SUFU: variants seen among roughly 807,000 people sequenced by gnomAD.
SUFU encodes SUFU negative regulator of hedgehog signaling, also known as suppressor of fused homolog.
In SUFU, 7 loss-of-function variants were observed where a neutral mutation model predicts 58.9. The ratio of observed to expected loss-of-function variants is 0.12; its 90% confidence interval spans 0.07 to 0.22. SUFU has a LOEUF of 0.22. Among genes scored for constraint, SUFU ranks in the 10% least tolerant of loss-of-function variants. The pLI is 1.00. For missense variants in SUFU, 451 were observed against 641.3 expected (o/e 0.70, Z 3.20); for synonymous variants, 232 against 254.8 (o/e 0.91, Z 0.85).
chr10:102,503,837 G>T, upstream of SUFU: 1 of 370,158 alleles, frequency 2.7e-6, no homozygotes, highest in Non-Finnish European at 4.9e-6. Flanking sequence ...ACACAGGGAG[G>T]GGAGGCGGGG....
At chr10:102,621,048 G>C (rs1324347527) in intron 10 of SUFU, among the ~76,000 whole-genome samples, 3 of 152,232 alleles carry the variant, frequency 2.0e-5, no homozygotes, top group Non-Finnish European at 4.4e-5. Context: ...CCCAGCAGCT[G>C]TTCCAAGTGG....
chr10:102,512,647 A>C (rs761278588), intron 2 of SUFU, among the ~76,000 whole-genome samples: 1 of 152,180 alleles, frequency 6.6e-6, no homozygotes, highest in African/African-American at 2.4e-5. Context: ...TGAAACCTCT[A>C]TTTGGGTTTT....
In SUFU at chr10:102,504,282, C is replaced by G; in HGVS notation, c.130C>G (p.Leu44Val). ...LHAIYGECRR[L>V]YPDQPNPLQV... Reference sequence around the variant, plus strand: ...CGCCATCTACGGAGAGTGCCGCCGCCTTTACCCTGACCAGCCGAACCCGCT... The same window carrying G: ...CGCCATCTACGGAGAGTGCCGCCGCGTTTACCCTGACCAGCCGAACCCGCT... The change falls in exon 1 of 12, where the codon CTT (leucine) becomes GTT (valine). Residue 44 changes from leucine to valine, a missense_variant. By Grantham distance (32) the Leu-to-Val change is conservative. Transcript: ENST00000369902. 6.2e-7 allele frequency: 1 copy of G among 1,614,118 alleles called. No homozygotes were observed. Among genetic ancestry groups the G allele is most frequent in the Non-Finnish European group, 8.5e-7 (1 of 1,180,028 alleles).
intron 2 of SUFU, among the ~76,000 whole-genome samples, chr10:102,527,913 C>T (rs2062630532): frequency 6.6e-6 from 1 of 152,194 alleles, no homozygotes; most frequent in Non-Finnish European, 1.5e-5. Context: ...AAGCTGCATA[C>T]TTAGGCACAG....
At chr10:102,605,939 CA>C (rs2063558873) in intron 8 of SUFU, among the ~76,000 whole-genome samples, 1 of 152,202 alleles carries the variant, frequency 6.6e-6, no homozygotes, top group Non-Finnish European at 1.5e-5. Flanking sequence ...CGTCATGACT[CA>C]CAGGACTGGG....
At position 102,625,368 on chromosome 10, in the gene SUFU, G is replaced by C. The variant is rs1333468417; in HGVS notation, c.1297-1807G>C. 6.6e-6 allele frequency among the ~76,000 whole-genome samples: 1 copy of C among 152,216 alleles called. No individual in the cohort carries two copies. The highest frequency in any genetic ancestry group is 1.5e-5 in the Non-Finnish European group (1 of 68,042). On this transcript the variant is annotated intron_variant, in intron 10 of 11. Transcript: ENST00000369902. This position sits in a 1 kb window ranked among gnomAD's most constrained non-coding sequence, Gnocchi z 4.7. ...GGGGCCCTAGCTCCTAGAACAGAGA[G>C]TTTGGTGAGGAGACGTGGACCAGTG...
chr10:102,537,098 A>G (rs2062748439), intron 2 of SUFU, among the ~76,000 whole-genome samples: 1 of 150,344 alleles, frequency 6.7e-6, no homozygotes, highest in South Asian at 2.1e-4. Context: ...GGCATGAGCC[A>G]CTGCACCCAG....
At chr10:102,507,280 A>G (rs1258278487) in intron 1 of SUFU, among the ~76,000 whole-genome samples, 1 of 152,164 alleles carries the variant, frequency 6.6e-6, no homozygotes, top group Non-Finnish European at 1.5e-5. Flanking sequence ...TGGTAAACAC[A>G]GTTTTGCAGC....
intron 1 of SUFU, 120 bp downstream of exon 1, chr10:102,504,454 GA>G: frequency 6.6e-7 from 1 of 1,523,564 alleles, no homozygotes; most frequent in Non-Finnish European, 8.9e-7. Context: ...CACTCAGAAG[GA>G]GGGCTTCTTG....
chr10:102,617,252 A>G lies in SUFU; in HGVS notation c.1158-38A>G. 6.2e-7 allele frequency: 1 copy of G among 1,614,034 alleles called. No individual in the cohort carries two copies. Among genetic ancestry groups the G allele is most frequent in the Non-Finnish European group, 8.5e-7 (1 of 1,180,018 alleles). The stretch of plus-strand genomic sequence containing the variant: ...CCTGCTGTGCTTGGAACTGTTTCCA[A>G]GCCCAGCTCCTCACTGTCTCCATGT... On this transcript the variant is annotated intron_variant, in intron 9 of 11. Coordinates refer to ENST00000369902, the MANE Select transcript of SUFU (RefSeq NM_016169.4). This position sits in a 1 kb window ranked among gnomAD's most constrained non-coding sequence, Gnocchi z 4.4.
intron 3 of SUFU, among the ~76,000 whole-genome samples, chr10:102,571,886 C>G (rs1010440035): frequency 1.3e-5 from 2 of 152,164 alleles, no homozygotes; most frequent in African/African-American, 4.8e-5. Flanking sequence ...TGAGGCTCCC[C>G]TGGAGAAGAA....
chr10:102,519,586 A>T (rs988009356), intron 2 of SUFU, among the ~76,000 whole-genome samples: 4 of 151,414 alleles, frequency 2.6e-5, no homozygotes, highest in Non-Finnish European at 5.9e-5. Flanking sequence ...GTAAGTTGCC[A>T]GGAAAGTCTG....
chr10:102,542,587 T>C (rs1275392741), intron 2 of SUFU, among the ~76,000 whole-genome samples: 1 of 151,352 alleles, frequency 6.6e-6, no homozygotes, highest in African/African-American at 2.4e-5. Flanking sequence ...TATCTTCCTT[T>C]CTTTCTTCCT....
At chr10:102,568,894 AAAAATATATAT>A (rs1438935558) in intron 3 of SUFU, among the ~76,000 whole-genome samples, 1 of 24,580 alleles carries the variant, frequency 4.1e-5, no homozygotes, top group African/African-American at 2.2e-4. Flanking sequence ...AAAAAAAAAA[AAAAATATATAT>A]ATATATATAT....
Position 102,630,185 on chromosome 10 carries a change from G to A in SUFU, c.*30G>A, listed in dbSNP as rs1172481618. The A allele has an allele frequency of 6.4e-7, 1 of 1,573,804 alleles. No individual in the cohort carries two copies. The stretch of plus-strand genomic sequence containing the variant: ...GGCTGGGCCCTGCAGTGGCCAGCAG[G>A]GAGCCCAGCTGCTCCCCAGTGACTT... On this transcript the variant is annotated 3_prime_UTR_variant, in exon 12 of 12. Transcript: ENST00000369902.
chr10:102,523,119 C>T (rs1455797918), intron 2 of SUFU, among the ~76,000 whole-genome samples: 1 of 152,178 alleles, frequency 6.6e-6, no homozygotes, highest in African/African-American at 2.4e-5. Context: ...ACAGCAGCTT[C>T]TCAGAGAGGT....
chr10:102,565,550 A>G (rs2063078507), intron 3 of SUFU, among the ~76,000 whole-genome samples: 1 of 152,098 alleles, frequency 6.6e-6, no homozygotes, highest in African/African-American at 2.4e-5. Flanking sequence ...GAAAGAGTCT[A>G]TTTATTGTTT....
intron 3 of SUFU, among the ~76,000 whole-genome samples, chr10:102,584,622 T>C (rs1415823998): frequency 6.6e-6 from 1 of 152,234 alleles, no homozygotes; most frequent in African/African-American, 2.4e-5. Context: ...ATTAATAACA[T>C]TTTGTTATAT....
rs577785504 is a variant in SUFU, at chr10:102,629,955, G to T, written c.1366-111G>T. Reference sequence around the variant, plus strand: ...TTGAGAATGAAGCCACGCCTCCCGCGGCCTGTCCTATCCCTAGCTCCCCGG... The same window carrying T: ...TTGAGAATGAAGCCACGCCTCCCGCTGCCTGTCCTATCCCTAGCTCCCCGG... On this transcript the variant is annotated intron_variant, in intron 11 of 11. Coordinates refer to ENST00000369902, the MANE Select transcript of SUFU (RefSeq NM_016169.4). This position sits in a 1 kb window ranked among gnomAD's most constrained non-coding sequence, Gnocchi z 4.7. 3.0e-6 allele frequency: 3 copies of T among 996,836 alleles called. No homozygotes were observed. The Admixed American group carries it at 5.1e-5, about 17-fold the overall frequency. 61.7% of individuals were successfully genotyped at this position (996,836 alleles called of 1,614,324 possible).
Sources: gnomAD v4.1 joint callset for allele counts (sites outside exome capture counted in the v4.1 genomes callset) on GRCh38, gnomAD v4.1.1 for gene constraint, Gnocchi (gnomAD v3.1) non-coding constraint, MANE v1.5 for transcripts, NCBI Gene and HGNC (gene_info 2026-07-23, HGNC 2026-07-21) for gene names.